Variants in UST observed in about 807,000 individuals in gnomAD.
UST encodes chondroitin sulfate 2-O-sulfotransferase.
A neutral mutation model predicts 45.6 loss-of-function variants in UST; 21 were observed. The ratio of observed to expected loss-of-function variants is 0.46; its 90% confidence interval spans 0.33 to 0.66. The LOEUF (loss-of-function observed/expected upper bound fraction) is 0.66, where lower values mean the gene tolerates loss of function less well. Among genes scored for constraint, UST ranks in the 30% least tolerant of loss-of-function variants. The pLI is 0.02. For missense variants in UST, 463 were observed against 512.4 expected (o/e 0.90, Z 0.93); for synonymous variants, 215 against 200.6 (o/e 1.07, Z -0.61).
chr6:148,764,495 A>C (rs1354946304), intron 1 of UST, among the ~76,000 whole-genome samples: 1 of 152,140 alleles, frequency 6.6e-6, no homozygotes. Flanking sequence ...TTCTCTTGCT[A>C]TCAGGGGAAC....
chr6:148,997,718 A>T (rs1360091458), intron 5 of UST, among the ~76,000 whole-genome samples: 1 of 152,192 alleles, frequency 6.6e-6, no homozygotes, highest in Non-Finnish European at 1.5e-5. Context: ...ATTATGGAAA[A>T]TTTTAAATAC....
chr6:149,017,585 T>C (rs1262571965), intron 5 of UST, among the ~76,000 whole-genome samples: 2 of 151,714 alleles, frequency 1.3e-5, no homozygotes, highest in Non-Finnish European at 2.9e-5. Flanking sequence ...GTTTATATTG[T>C]CCTGTAGTCT....
At chr6:148,924,953 A>G (rs1221321366) in intron 2 of UST, among the ~76,000 whole-genome samples, 1 of 152,174 alleles carries the variant, frequency 6.6e-6, no homozygotes, top group Non-Finnish European at 1.5e-5. Context: ...GGCATTTTCA[A>G]AGAATTTCTT....
At chr6:148,974,873 A>C (rs915528776) in intron 5 of UST, among the ~76,000 whole-genome samples, 1 of 152,254 alleles carries the variant, frequency 6.6e-6, no homozygotes, top group Non-Finnish European at 1.5e-5. Flanking sequence ...TTAGAGGTGA[A>C]ATAACACTGG....
At chr6:148,876,219 C>T (rs1778648850) in intron 1 of UST, among the ~76,000 whole-genome samples, 1 of 151,948 alleles carries the variant, frequency 6.6e-6, no homozygotes, top group African/African-American at 2.4e-5. Flanking sequence ...GGGGAAGTGC[C>T]ACACACTTTT....
At chr6:148,816,930 C>G (rs556674489) in intron 1 of UST, among the ~76,000 whole-genome samples, 1 of 152,264 alleles carries the variant, frequency 6.6e-6, no homozygotes, top group Admixed American at 6.5e-5. Context: ...GTCCTATCTT[C>G]CCTTGAAGTC....
chr6:148,931,620 C>T (rs1402096646), intron 2 of UST, among the ~76,000 whole-genome samples: 1 of 152,156 alleles, frequency 6.6e-6, no homozygotes. Context: ...GACTTTTGGA[C>T]GACTGAATAC....
At chr6:148,832,795 T>A (rs746579338) in intron 1 of UST, among the ~76,000 whole-genome samples, 2 of 152,000 alleles carry the variant, frequency 1.3e-5, no homozygotes, top group Non-Finnish European at 2.9e-5. Context: ...GTCAGATGAG[T>A]TTTAGTTGAT....
At chr6:148,924,576 C>T (rs1440782714) in intron 2 of UST, among the ~76,000 whole-genome samples, 1 of 152,196 alleles carries the variant, frequency 6.6e-6, no homozygotes, top group Non-Finnish European at 1.5e-5. Flanking sequence ...TGGCTGTCCT[C>T]CTGTGCATTG....
At chr6:148,760,923 T>G (rs1459217053) in intron 1 of UST, among the ~76,000 whole-genome samples, 3 of 152,202 alleles carry the variant, frequency 2.0e-5, no homozygotes, top group Admixed American at 6.5e-5. Flanking sequence ...TTTGATTCCC[T>G]TACACATCTT....
At chr6:148,857,685 G>A (rs981595307) in intron 1 of UST, among the ~76,000 whole-genome samples, 2 of 150,378 alleles carry the variant, frequency 1.3e-5, no homozygotes, top group Non-Finnish European at 2.9e-5. Context: ...AAATTTCCCA[G>A]ATGTGAGGCA....
intron 1 of UST, among the ~76,000 whole-genome samples, chr6:148,867,006 A>G (rs1778448840): frequency 6.6e-6 from 1 of 151,776 alleles, no homozygotes; most frequent in African/African-American, 2.4e-5. Flanking sequence ...CTCTAGTAAA[A>G]CCTCAGCTGT....
chr6:148,850,780 C>T (rs943345938), intron 1 of UST, among the ~76,000 whole-genome samples: 3 of 152,164 alleles, frequency 2.0e-5, no homozygotes, highest in African/African-American at 7.2e-5. Flanking sequence ...TCACTGATGT[C>T]GTGGACTCTA....
At chr6:149,029,937 A>G (rs563315644) in intron 7 of UST, among the ~76,000 whole-genome samples, 2 of 151,628 alleles carry the variant, frequency 1.3e-5, no homozygotes, top group African/African-American at 4.8e-5. Flanking sequence ...ATGTTCAAAC[A>G]ACTAGACTCC....
chr6:148,853,775 C>T (rs1778150875), intron 1 of UST, among the ~76,000 whole-genome samples: 1 of 152,112 alleles, frequency 6.6e-6, no homozygotes, highest in Admixed American at 6.5e-5. Context: ...TGAGAAGTGT[C>T]TGTTCATGTC....
At chr6:148,953,629 G>A (rs1780413355) in intron 3 of UST, among the ~76,000 whole-genome samples, 1 of 152,002 alleles carries the variant, frequency 6.6e-6, no homozygotes, top group Admixed American at 6.6e-5. Context: ...AAATTAGCCG[G>A]GCGTGGTGGC....
At chr6:148,784,647 G>A (rs1365754066) in intron 1 of UST, among the ~76,000 whole-genome samples, 1 of 152,194 alleles carries the variant, frequency 6.6e-6, no homozygotes, top group Non-Finnish European at 1.5e-5. Flanking sequence ...TTGTGTATGT[G>A]TCCACAGACA....
At chr6:148,894,945 G>A (rs1779094770) in intron 2 of UST, among the ~76,000 whole-genome samples, 1 of 149,836 alleles carries the variant, frequency 6.7e-6, no homozygotes, top group Non-Finnish European at 1.5e-5. Flanking sequence ...AGCCTCCCGA[G>A]TAGCTGGGAC....
At chr6:148,939,541 A>C (rs1412860872) in intron 2 of UST, among the ~76,000 whole-genome samples, 1 of 152,210 alleles carries the variant, frequency 6.6e-6, no homozygotes, top group East Asian at 1.9e-4. Context: ...ATCCAGAAAT[A>C]ATAATGACCC....
Sources: gnomAD v4.1 joint callset for allele counts (sites outside exome capture counted in the v4.1 genomes callset) on GRCh38, gnomAD v4.1.1 for gene constraint, MANE v1.5 for transcripts, NCBI Gene and HGNC (gene_info 2026-07-23, HGNC 2026-07-21) for gene names.